Variants in FADD observed in about 807,000 individuals in gnomAD.
FADD encodes FAS-associated death domain protein.
A neutral mutation model predicts 5.8 loss-of-function variants in FADD; 3 were observed. The ratio of observed to expected loss-of-function variants is 0.52; its 90% CI spans 0.24 to 1.34. The LOEUF is 1.34. Ranked by LOEUF, FADD falls within the 40% of genes most tolerant of loss-of-function variation. The probability of loss-of-function intolerance (pLI) is 0.17; values close to 1 mark genes in which losing one functional copy is unlikely to be tolerated. For synonymous variants in FADD, 138 were observed against 130.8 expected, an observed-to-expected ratio of 1.06 and a Z score of -0.38; for missense variants, 249 against 286.7, an observed-to-expected ratio of 0.87 and a Z score of 0.95.
chr11:70,205,654 G>T (rs2049453655), intron 1 of FADD, among the ~76,000 whole-genome samples: 1 of 152,156 alleles, frequency 6.6e-6, no homozygotes, highest in Non-Finnish European at 1.5e-5. Flanking sequence ...CATCCAGGAT[G>T]ATCTCCTCTC....
In FADD at chr11:70,203,399, G is replaced by C; in HGVS notation, c.-61G>C. On this transcript the variant is annotated 5_prime_UTR_variant, in exon 1 of 2. Coordinates refer to ENST00000301838, the MANE Select transcript of FADD (RefSeq NM_003824.4). ...GGCGAGACCTGGCCAGGGCCAGCGA[G>C]CCGAGGACAGAGGGCGCACGGAGGG... 6.5e-7 allele frequency: 1 copy of C among 1,545,784 alleles called. No individual in the cohort carries two copies.
Position 70,206,528 on chromosome 11 carries a change from GT to G in FADD, c.*57del, listed in dbSNP as rs1180610302. On this transcript the variant is annotated 3_prime_UTR_variant, in exon 2 of 2. Transcript: ENST00000301838. ...AGGCATCTACACAGCCTGGACTTTG[GT>G]TCTCTCCAGGAAGGTAGCCCAGCAC... 6.5e-7 allele frequency: 1 copy of G among 1,544,642 alleles called. No individual in the cohort carries two copies. Among genetic ancestry groups the G allele is most frequent in the African/African-American group, 1.4e-5 (1 of 73,604 alleles).
intron 1 of FADD, among the ~76,000 whole-genome samples, chr11:70,205,144 G>A (rs994408281): frequency 3.0e-5 from 4 of 132,370 alleles, no homozygotes; most frequent in Admixed American, 7.5e-5. Context: ...TCAGAGCTGC[G>A]GGAGCTGGTA....
chr11:70,206,869 T>A lies in FADD; in HGVS notation c.*396T>A, dbSNP rs1400001194. The A allele has an allele frequency of 3.8e-6, 1 of 259,766 alleles. No individual in the cohort carries two copies. The highest frequency in any genetic ancestry group is 5.1e-5 in the Admixed American group (1 of 19,634). The allele number at this position is 259,766 out of a possible 1,614,324, so 16.1% of individuals were successfully genotyped here. ...GGAGCGAAGCAGAGAGGTGGAGAACTGGGATTTGAACCCCCGCCATCCTTC... is the reference window on the plus strand; with the variant it reads ...GGAGCGAAGCAGAGAGGTGGAGAACAGGGATTTGAACCCCCGCCATCCTTC... On this transcript the variant is annotated 3_prime_UTR_variant, in exon 2 of 2. Transcript: ENST00000301838.
Position 70,203,729 on chromosome 11 carries a change from C to G in FADD, c.270C>G (p.Ala90=). 1 of 1,386,936 alleles carries G rather than the reference C, an allele frequency of 7.2e-7. No individual in the cohort carries two copies. The highest frequency in any genetic ancestry group is 9.3e-7 in the Non-Finnish European group (1 of 1,074,552). The allele number at this position is 1,386,936 out of a possible 1,614,324, so 85.9% of individuals were successfully genotyped here. A position where few individuals can be genotyped will look rare whatever the true frequency, so the allele number is the denominator to read the frequency against. ...TCGAGGCGGGGGCGGCGGCCGGGGC[C>G]GCGCCTGGGGAAGAAGGTGGGCGCG... The part of the protein sequence containing the change: ...DDFEAGAAAG[A]APGEEDLCAA... The change falls in exon 1 of 2, where the codon GCC becomes GCG. Residue 90 remains alanine (A), a synonymous_variant. Coordinates refer to ENST00000301838, the MANE Select transcript of FADD (RefSeq NM_003824.4).
At position 70,203,314 on chromosome 11, in the gene FADD, T is replaced by C; in HGVS notation, c.-146T>C. The C allele has an allele frequency of 1.4e-6, 2 of 1,411,858 alleles. No individual in the cohort carries two copies. Among genetic ancestry groups the C allele is most frequent in the African/African-American group, 1.5e-5 (1 of 67,856 alleles). 87.5% of individuals were successfully genotyped at this position (1,411,858 alleles called of 1,614,324 possible). A position where few individuals can be genotyped will look rare whatever the true frequency, so the allele number is the denominator to read the frequency against. On this transcript the variant is annotated 5_prime_UTR_variant, in exon 1 of 2. Coordinates refer to ENST00000301838, the MANE Select transcript of FADD (RefSeq NM_003824.4). Reference sequence around the variant, plus strand: ...AAAACGCGCTCTTGTCGATTTCCTGTAGTGAATCAGGCACCGGAGTGCAGG... The same window carrying C: ...AAAACGCGCTCTTGTCGATTTCCTGCAGTGAATCAGGCACCGGAGTGCAGG...
At chr11:70,205,314 G>A (rs2049451266) in intron 1 of FADD, among the ~76,000 whole-genome samples, 1 of 152,164 alleles carries the variant, frequency 6.6e-6, no homozygotes, top group Admixed American at 6.5e-5. Context: ...TGGTAGCCAG[G>A]GACTGAAGAC....
At position 70,206,553 on chromosome 11, in the gene FADD, A is replaced by G; in HGVS notation, c.*80A>G. 6.0e-6 allele frequency: 8 copies of G among 1,343,146 alleles called. No homozygotes were observed. The highest frequency in any genetic ancestry group is 8.4e-6 in the Non-Finnish European group (8 of 956,500). The allele number at this position is 1,343,146 out of a possible 1,614,324, so 83.2% of individuals were successfully genotyped here. On this transcript the variant is annotated 3_prime_UTR_variant, in exon 2 of 2. Transcript: ENST00000301838. The stretch of plus-strand genomic sequence containing the variant: ...GTTCTCTCCAGGAAGGTAGCCCAGC[A>G]CTGTGAAGACCCAGCAGGAAGCCAG...
Position 70,204,628 on chromosome 11 carries a change from T to C in FADD, c.286+883T>C, listed in dbSNP as rs2049446013. ...TAGGGCCTAAATGTGTCACCATGGG[T>C]TTCACTCTGTAAAGACTGGTGCCTG... is the stretch of plus-strand genomic sequence containing the variant. On this transcript the variant is annotated intron_variant, in intron 1 of 1. Coordinates refer to ENST00000301838, the MANE Select transcript of FADD (RefSeq NM_003824.4). 2.0e-5 allele frequency among the ~76,000 whole-genome samples: 3 copies of C among 152,120 alleles called. No homozygotes were observed. The South Asian group carries it at 6.2e-4, about 32-fold the overall frequency.
chr11:70,204,671 A>G (rs1355266907), intron 1 of FADD, among the ~76,000 whole-genome samples: 1 of 152,230 alleles, frequency 6.6e-6, no homozygotes, highest in Non-Finnish European at 1.5e-5. Flanking sequence ...CAGGATGGAC[A>G]GAACAGCTCT....
In FADD at chr11:70,206,305, G is replaced by A. The variant is rs762975795; in HGVS notation, c.459G>A (p.Lys153=). ...TGAGAATCTGGAAGAACACAGAGAA[G>A]GAGAACGCAACAGTGGCCCACCTGG... ...ESLRIWKNTE[K]ENATVAHLVG... is the part of the protein sequence containing the mutation. The change falls in exon 2 of 2, where the codon AAG becomes AAA. Residue 153 remains lysine, a synonymous_variant. Transcript: ENST00000301838. 11 of 1,614,072 alleles carry A rather than the reference G, an allele frequency of 6.8e-6. No individual in the cohort carries two copies. Among genetic ancestry groups the A allele is most frequent in the Non-Finnish European group, 9.3e-6 (11 of 1,180,036 alleles).
rs562055358 is a variant in FADD, at chr11:70,204,198, C to T, written c.286+453C>T. On this transcript the variant is annotated intron_variant, in intron 1 of 1. Coordinates refer to ENST00000301838, the MANE Select transcript of FADD (RefSeq NM_003824.4). ...TGCCAAATACAATTTTCGCAGTAGC[C>T]CTGTGGCTTAGATACTGTTAGCTAT... Among the ~76,000 whole-genome samples, 3 of 152,298 alleles carry T rather than the reference C, an allele frequency of 2.0e-5. No homozygotes were observed. In the East Asian group the frequency reaches 5.8e-4, roughly 29 times the overall value.
intron 1 of FADD, among the ~76,000 whole-genome samples, chr11:70,205,088 C>T (rs1042100665): frequency 6.6e-5 from 10 of 152,320 alleles, no homozygotes; most frequent in South Asian, 2.1e-4. Context: ...CCTCAATTTC[C>T]TCATCTGTAC....
intron 1 of FADD, among the ~76,000 whole-genome samples, chr11:70,205,257 G>A (rs924153242): frequency 6.6e-6 from 1 of 152,144 alleles, no homozygotes; most frequent in Non-Finnish European, 1.5e-5. Flanking sequence ...TTATGGTCTT[G>A]TGACCAGCTC....
Position 70,206,527 on chromosome 11 carries a change from G to A in FADD, c.*54G>A. 6.4e-7 allele frequency: 1 copy of A among 1,556,356 alleles called. No individual in the cohort carries two copies. Among genetic ancestry groups the A allele is most frequent in the Non-Finnish European group, 8.8e-7 (1 of 1,136,668 alleles). On this transcript the variant is annotated 3_prime_UTR_variant, in exon 2 of 2. Coordinates refer to ENST00000301838, the MANE Select transcript of FADD (RefSeq NM_003824.4). ...CAGGCATCTACACAGCCTGGACTTT[G>A]GTTCTCTCCAGGAAGGTAGCCCAGC...
At position 70,203,537 on chromosome 11, in the gene FADD, A is replaced by T. The variant is rs780381115; in HGVS notation, c.78A>T (p.Leu26=). ...SSSELTELKF[L]CLGRVGKRKL... ...GCGAGCTGACCGAGCTCAAGTTCCT[A>T]TGCCTCGGGCGCGTGGGCAAGCGCA... is the stretch of plus-strand genomic sequence containing the variant. Residue 26 remains leucine, a synonymous_variant, in exon 1 of 2, where the codon CTA becomes CTT. Transcript: ENST00000301838. 4 of 1,611,822 alleles carry T rather than the reference A, an allele frequency of 2.5e-6. No homozygotes were observed. The highest frequency in any genetic ancestry group is 1.7e-6 in the Non-Finnish European group (2 of 1,179,472).
intron 1 of FADD, among the ~76,000 whole-genome samples, chr11:70,205,796 T>C (rs1236730700): frequency 2.0e-5 from 3 of 152,162 alleles, no homozygotes; most frequent in Non-Finnish European, 4.4e-5. Flanking sequence ...TCAACCCTAT[T>C]TTCTTCCCTC....
rs745409161 is a variant in FADD at position 70,206,137 on chromosome 11, G to A, written c.291G>A (p.Leu97=). 4 of 1,613,686 alleles carry A rather than the reference G, an allele frequency of 2.5e-6. No homozygotes were observed. In the South Asian group the frequency reaches 4.4e-5, roughly 18 times the overall value. The change falls in exon 2 of 2, where the codon CTG becomes CTA. Residue 97 remains leucine, a synonymous_variant. Transcript: ENST00000301838. ...GTTCTGTTCTTTCCTTCCCAGACCT[G>A]TGTGCAGCATTTAACGTCATATGTG... ...AAGAAPGEED[L]CAAFNVICDN... is the part of the protein sequence containing the mutation.
chr11:70,204,105 C>T (rs540013575), intron 1 of FADD, among the ~76,000 whole-genome samples: 1 of 152,326 alleles, frequency 6.6e-6, no homozygotes, highest in East Asian at 1.9e-4. Context: ...TCACGGCTGT[C>T]TGAGAGTAAT....
Sources: gnomAD v4.1 joint callset for allele counts (sites outside exome capture counted in the v4.1 genomes callset) on GRCh38, gnomAD v4.1.1 for gene constraint, MANE v1.5 for transcripts, NCBI Gene and HGNC (gene_info 2026-07-23, HGNC 2026-07-21) for gene names.